Variants in TANGO2 observed in about 807,000 individuals in gnomAD.
TANGO2 encodes the protein transport and Golgi organization protein 2 homolog.
TANGO2 carries 26 observed loss-of-function variants against 39.1 expected under a neutral mutation model. That is an observed-to-expected ratio of 0.67 (90% CI 0.49 to 0.92). The LOEUF (loss-of-function observed/expected upper bound fraction) is 0.92. Ranked by LOEUF, TANGO2 falls within the 40% of genes least tolerant of loss-of-function variation. The probability of loss-of-function intolerance (pLI) is 0.00; values close to 1 mark genes in which losing one functional copy is unlikely to be tolerated. For missense variants in TANGO2, 326 were observed against 360.1 expected, an observed-to-expected ratio of 0.91 and a Z score of 0.77; for synonymous variants, 131 against 144.5, an observed-to-expected ratio of 0.91 and a Z score of 0.67.
chr22:20,042,152 T>TTG (rs1265152374), intron 2 of TANGO2, among the ~76,000 whole-genome samples: 1 of 124,338 alleles, frequency 8.0e-6, no homozygotes, highest in Non-Finnish European at 1.7e-5. Context: ...TGACTAATTT[T>TTG]TGTATTTTTT....
chr22:20,061,887 A>C, intron 7 of TANGO2: 2 of 667,632 alleles, frequency 3.0e-6, no homozygotes, highest in Non-Finnish European at 4.8e-6. Context: ...TGATGACAGA[A>C]GATGGGCCCA....
At chr22:20,038,096 A>G (rs935166882) in intron 2 of TANGO2, among the ~76,000 whole-genome samples, 1 of 152,228 alleles carries the variant, frequency 6.6e-6, no homozygotes, top group African/African-American at 2.4e-5. Context: ...CTCAAAAAAA[A>G]GATGAAGGTA....
chr22:20,037,897 A>G (rs1441882876), intron 2 of TANGO2, among the ~76,000 whole-genome samples: 1 of 152,086 alleles, frequency 6.6e-6, no homozygotes, highest in Non-Finnish European at 1.5e-5. Context: ...GGAGATCCAG[A>G]CCATCCTGGA....
chr22:20,037,508 A>C (rs2043076585), intron 2 of TANGO2, among the ~76,000 whole-genome samples: 1 of 152,240 alleles, frequency 6.6e-6, no homozygotes, highest in African/African-American at 2.4e-5. Context: ...CATCATTTTA[A>C]AATCTGTACC....
At chr22:20,056,606 C>T (rs574169072) in intron 6 of TANGO2, 11 of 456,692 alleles carry the variant, frequency 2.4e-5, no homozygotes, top group Admixed American at 4.7e-5. Context: ...TCGGGTGCTG[C>T]GATTTCCTGG....
At chr22:20,038,975 CT>C (rs1216146824) in intron 2 of TANGO2, among the ~76,000 whole-genome samples, 1 of 151,382 alleles carries the variant, frequency 6.6e-6, no homozygotes, top group Non-Finnish European at 1.5e-5. Flanking sequence ...GGATCTTGCT[CT>C]GTTGCCCAGG....
chr22:20,050,206 A>G (rs1167243538), intron 3 of TANGO2, among the ~76,000 whole-genome samples: 1 of 152,082 alleles, frequency 6.6e-6, no homozygotes, highest in Non-Finnish European at 1.5e-5. Context: ...GCAAGACTCT[A>G]AAAAACAAAA....
At chr22:20,038,924 TG>T (rs2043355325) in intron 2 of TANGO2, among the ~76,000 whole-genome samples, 1 of 22,958 alleles carries the variant, frequency 4.4e-5, no homozygotes, top group African/African-American at 1.3e-4. Context: ...TAGGCCACTA[TG>T]TTTTTTTTTT....
chr22:20,063,844 C>G (rs780008983), intron 8 of TANGO2, among the ~76,000 whole-genome samples: 1 of 152,246 alleles, frequency 6.6e-6, no homozygotes, highest in Non-Finnish European at 1.5e-5. Flanking sequence ...TTCAGCCCCT[C>G]CTCTGTCATA....
chr22:20,043,149 G>A (rs896169340), intron 2 of TANGO2, among the ~76,000 whole-genome samples: 3 of 152,178 alleles, frequency 2.0e-5, no homozygotes, highest in African/African-American at 7.2e-5. Context: ...CCTGTTTCCC[G>A]TGCGGTCCCA....
chr22:20,046,491 G>C (rs2045235550), intron 3 of TANGO2, among the ~76,000 whole-genome samples: 1 of 134,938 alleles, frequency 7.4e-6, no homozygotes, highest in Non-Finnish European at 1.5e-5. Flanking sequence ...TTGAGACAGA[G>C]TCTTGCTCTG....
chr22:20,020,447 C>G (rs182897799), upstream of TANGO2, among the ~76,000 whole-genome samples: 1,215 of 151,610 alleles, frequency 8.0e-3, 70 homozygotes, highest in Admixed American at 0.076. Context: ...CTGCACAAGT[C>G]AAGCTGGGCC....
At chr22:20,056,755 T>A (rs749973538) in intron 6 of TANGO2, 1 of 456,252 alleles carries the variant, frequency 2.2e-6, no homozygotes, top group Non-Finnish European at 4.4e-6. Flanking sequence ...AAATGGCATT[T>A]CCCCTGGGTG....
In TANGO2 at chr22:20,041,005, G is replaced by T. The variant is rs111973694; in HGVS notation, c.57-2350G>T. ...CATAGCAGACCCCAAGGGCTCTAGG[G>T]CATGGCACAGTCCCTGGCAATGACC... On this transcript the variant is annotated intron_variant, in intron 2 of 8. Transcript: ENST00000327374. 6.6e-3 allele frequency among the ~76,000 whole-genome samples: 1,010 copies of T among 152,324 alleles called. 14 individuals are homozygous for T. The highest frequency in any genetic ancestry group is 0.022 in the African/African-American group (929 of 41,562).
At chr22:20,025,269 T>G (rs2146726411) in intron 1 of TANGO2, among the ~76,000 whole-genome samples, 1 of 151,580 alleles carries the variant, frequency 6.6e-6, no homozygotes, top group Non-Finnish European at 1.5e-5. Context: ...ATTTTTGTGT[T>G]TTTAGTAGAG....
In TANGO2 at chr22:20,061,611, T is replaced by C; in HGVS notation, c.533T>C (p.Val178Ala). The change falls in exon 7 of 9, where the codon GTG becomes GCG. Residue 178 changes from valine to alanine, a missense_variant. Coordinates refer to ENST00000327374, the MANE Select transcript of TANGO2 (RefSeq NM_152906.7). Reference protein sequence around the residue: ...CFGKQLFLEAVERSQALPKDV... With the variant: ...CFGKQLFLEAAERSQALPKDV... Reference sequence around the variant, plus strand: ...GGGAAGCAGCTCTTCCTGGAGGCTGTGGAACGGAGCCAGGCGCTGCCCAAG... The same window carrying C: ...GGGAAGCAGCTCTTCCTGGAGGCTGCGGAACGGAGCCAGGCGCTGCCCAAG... 6.3e-7 allele frequency: 1 copy of C among 1,585,194 alleles called. No individual in the cohort carries two copies. Among genetic ancestry groups the C allele is most frequent in the Non-Finnish European group, 8.6e-7 (1 of 1,165,510 alleles).
chr22:20,017,735 G>T (rs9606210), upstream of TANGO2, among the ~76,000 whole-genome samples: 91,050 of 152,076 alleles, frequency 0.6, 29,524 homozygotes, highest in Non-Finnish European at 0.74. Context: ...ACATTTCCTT[G>T]CCAGATTAAG....
intron 5 of TANGO2, 45 bp from the exon 6 acceptor site, chr22:20,055,898 A>T: frequency 1.3e-6 from 2 of 1,530,082 alleles, no homozygotes; most frequent in Non-Finnish European, 1.8e-6. Context: ...GTCGGGGAGG[A>T]CGCCCTATGG....
chr22:20,059,990 C>T (rs2048063199), intron 6 of TANGO2, among the ~76,000 whole-genome samples: 1 of 151,180 alleles, frequency 6.6e-6, no homozygotes, highest in African/African-American at 2.4e-5. Flanking sequence ...GGGTCTGGCT[C>T]TGTCACCCAG....
Sources: allele counts gnomAD v4.1 joint callset (sites outside exome capture counted in the v4.1 genomes callset), GRCh38; gene constraint gnomAD v4.1.1; transcripts MANE v1.5; gene names NCBI Gene and HGNC (gene_info 2026-07-23, HGNC 2026-07-21).